ADAM19: variants seen among roughly 807,000 people sequenced by gnomAD.
The protein encoded by ADAM19 is ADAM metallopeptidase domain 19, also known as disintegrin and metalloproteinase domain-containing protein 19.
In ADAM19, 65 loss-of-function variants were observed where a neutral mutation model predicts 114.7. The observed-to-expected ratio is 0.57, with a 90% confidence interval of 0.46 to 0.70. The LOEUF is 0.70. ADAM19 is among the 30% of genes least tolerant of loss of function. The pLI, the probability that ADAM19 is intolerant of heterozygous loss-of-function variation, is 0.00. For synonymous variants in ADAM19, 466 were observed against 460.5 expected (o/e 1.01, Z -0.15); for missense variants, 1,063 against 1,204.7 (o/e 0.88, Z 1.74).
chr5:157,569,416 CTTTTTTT>C (rs1196722802), intron 2 of ADAM19, among the ~76,000 whole-genome samples: 18 of 97,866 alleles, frequency 1.8e-4, no homozygotes, highest in African/African-American at 6.5e-4. Context: ...AGCTAATTTT[CTTTTTTT>C]TTTTTTTTTT....
rs1292371467 is a variant in ADAM19, at chr5:157,571,132, T to G, written c.95-152A>C. 28 of 618,736 alleles carry G rather than the reference T, an allele frequency of 4.5e-5. No individual in the cohort carries two copies. The East Asian group carries it at 6.5e-4, about 14-fold the overall frequency. The allele number at this position is 618,736 out of a possible 1,614,324, so 38.3% of individuals were successfully genotyped here. A position where few individuals can be genotyped will look rare whatever the true frequency, so the allele number is the denominator to read the frequency against. On this transcript the variant is annotated intron_variant, in intron 1 of 22. Coordinates refer to ENST00000257527, the MANE Select transcript of ADAM19 (RefSeq NM_033274.5). ...GGCACTTCCTAGGAACTAGGCACTC[T>G]AGGTGTCGGTGATATTGTGGTAAAT...
chr5:157,541,913 T>C (rs1756927883), intron 3 of ADAM19, among the ~76,000 whole-genome samples: 1 of 152,302 alleles, frequency 6.6e-6, no homozygotes, highest in East Asian at 1.9e-4. Context: ...TGATAACAAT[T>C]TCCCATTTAC....
chr5:157,500,877 C>T (rs897229123), intron 12 of ADAM19, among the ~76,000 whole-genome samples: 1 of 152,206 alleles, frequency 6.6e-6, no homozygotes, highest in Non-Finnish European at 1.5e-5. Flanking sequence ...CGGGGCTCCA[C>T]AGATCTCTCC....
At chr5:157,539,941 T>C (rs1756872330) in intron 3 of ADAM19, among the ~76,000 whole-genome samples, 1 of 152,262 alleles carries the variant, frequency 6.6e-6, no homozygotes, top group Non-Finnish European at 1.5e-5. Context: ...GCTTAGAGCA[T>C]GGTCTGGAGA....
chr5:157,477,794 AAGGC>A lies in ADAM19; in HGVS notation c.*3151_*3154del. ...GGAGAGACTTCCAATAAAGATTGGA[AAGGC>A]GTATTGCAGGAGGTGGGGAGGGGCT... is the stretch of plus-strand genomic sequence containing the variant. On this transcript the variant is annotated 3_prime_UTR_variant, in exon 23 of 23. Transcript: ENST00000257527. 2 of 1,208,160 alleles carry A rather than the reference AAGGC, an allele frequency of 1.7e-6. No individual in the cohort carries two copies. The highest frequency in any genetic ancestry group is 2.2e-6 in the Non-Finnish European group (2 of 914,724). 74.8% of individuals were successfully genotyped at this position (1,208,160 alleles called of 1,614,324 possible).
rs374210389 is a variant in ADAM19, at chr5:157,548,199, A to G, written c.252-10208T>C. Among the ~76,000 whole-genome samples the G allele has an allele frequency of 2.4e-3, 363 of 152,190 alleles. 5 individuals carry two copies. Among genetic ancestry groups the G allele is most frequent in the African/African-American group, 8.3e-3 (343 of 41,520 alleles). ...ATCAGACTTCCCGTGCCCCCAATCC[A>G]GAGGAAGTTCCCCTTCCCCATGTTC... On this transcript the variant is annotated intron_variant, in intron 3 of 22. Transcript: ENST00000257527.
At chr5:157,486,506 T>C (rs943734824) in intron 21 of ADAM19, among the ~76,000 whole-genome samples, 7 of 152,112 alleles carry the variant, frequency 4.6e-5, no homozygotes, top group African/African-American at 1.4e-4. Flanking sequence ...GTGCAGGGTA[T>C]GCACAGCCTC....
chr5:157,530,061 C>A (rs1196645005), intron 5 of ADAM19, among the ~76,000 whole-genome samples: 1 of 152,174 alleles, frequency 6.6e-6, no homozygotes, highest in Non-Finnish European at 1.5e-5. Flanking sequence ...CATGTGTCTT[C>A]TTTTTTATCT....
chr5:157,572,574 T>C (rs1016219460), intron 1 of ADAM19, among the ~76,000 whole-genome samples: 11 of 152,224 alleles, frequency 7.2e-5, no homozygotes, highest in African/African-American at 2.2e-4. Context: ...AATACCGATA[T>C]AATGCACTTG....
chr5:157,523,788 C>G (rs1413778749), intron 5 of ADAM19, among the ~76,000 whole-genome samples: 2 of 152,210 alleles, frequency 1.3e-5, no homozygotes, highest in African/African-American at 4.8e-5. Context: ...CGCAGAGCTG[C>G]AGGCCTGAGT....
intron 3 of ADAM19, among the ~76,000 whole-genome samples, chr5:157,563,153 G>A (rs752666903): frequency 2.6e-5 from 4 of 151,982 alleles, no homozygotes; most frequent in Non-Finnish European, 4.4e-5. Flanking sequence ...GTCTAGGGAC[G>A]CAGCTGGCCA....
Position 157,543,475 on chromosome 5 carries a change from C to T in ADAM19, c.252-5484G>A, listed in dbSNP as rs184161939. On this transcript the variant is annotated intron_variant, in intron 3 of 22. Coordinates refer to ENST00000257527, the MANE Select transcript of ADAM19 (RefSeq NM_033274.5). ...AAAATGAGGAGAATGACAAAATCTA[C>T]TTCACAGTGCCCCTGTAAGATGTTA... is the stretch of plus-strand genomic sequence containing the variant. Among the ~76,000 whole-genome samples, 350 of 152,288 alleles carry T rather than the reference C, an allele frequency of 2.3e-3. 1 individual carries two copies. Among genetic ancestry groups the T allele is most frequent in the Admixed American group, 5.9e-3 (91 of 15,300 alleles).
At chr5:157,517,125 T>G (rs934124263) in intron 7 of ADAM19, among the ~76,000 whole-genome samples, 1 of 152,212 alleles carries the variant, frequency 6.6e-6, no homozygotes, top group Non-Finnish European at 1.5e-5. Flanking sequence ...GCCACCTCCT[T>G]CTGCTGCTAA....
chr5:157,505,874 C>A (rs1755727472), intron 10 of ADAM19, 66 bp from the exon 11 acceptor site: 2 of 1,545,092 alleles, frequency 1.3e-6, no homozygotes, highest in Admixed American at 1.9e-5. Flanking sequence ...CCCATCCCTG[C>A]CTTATCCTTA....
chr5:157,547,566 T>A (rs1470904056), intron 3 of ADAM19, among the ~76,000 whole-genome samples: 2 of 152,272 alleles, frequency 1.3e-5, no homozygotes, highest in African/African-American at 4.8e-5. Flanking sequence ...TACCTTGATG[T>A]TGGACTTGCC....
intron 3 of ADAM19, among the ~76,000 whole-genome samples, chr5:157,539,082 G>A (rs1280863276): frequency 1.3e-5 from 2 of 151,800 alleles, no homozygotes; most frequent in African/African-American, 4.8e-5. Context: ...GAACCTGGGG[G>A]GTGGAGGTTG....
At chr5:157,497,117 A>G in intron 13 of ADAM19, 28 bp from the exon 14 acceptor site, 1 of 1,477,308 alleles carries the variant, frequency 6.8e-7, no homozygotes, top group Non-Finnish European at 8.9e-7. Context: ...AGGAAAACAC[A>G]GTCAATCTCC....
At chr5:157,571,307 C>G (rs1757816737) in intron 1 of ADAM19, among the ~76,000 whole-genome samples, 1 of 152,138 alleles carries the variant, frequency 6.6e-6, no homozygotes, top group Non-Finnish European at 1.5e-5. Flanking sequence ...ACAGGATGAT[C>G]AGCATAGATG....
In ADAM19 at chr5:157,488,332, G is replaced by A. The variant is rs149265280; in HGVS notation, c.2483C>T (p.Thr828Met). The A allele has an allele frequency of 6.8e-5, 110 of 1,614,198 alleles. No homozygotes were observed. The East Asian group carries it at 1.3e-3, about 19-fold the overall frequency. ...SPGPGSQIER[T>M]ESSRRPPPSR... is the part of the protein sequence containing the mutation. ...TGGAGGAGGCCTCCTGGACGACTCC[G>A]TCCTCTCTATTTGAGACCCGGGCCC... The change falls in exon 21 of 23, where the codon ACG (threonine) becomes ATG (methionine). Residue 828 changes from threonine (T) to methionine (M), a missense_variant. Around this residue, in one of 3 missense-constraint regions of ADAM19, gnomAD observed 424 missense variants for 445.5 expected, o/e 0.95. Transcript: ENST00000257527.
Sources: allele counts gnomAD v4.1 joint callset (sites outside exome capture counted in the v4.1 genomes callset), GRCh38; gene constraint gnomAD v4.1.1; regional missense constraint gnomAD v4.1.1; transcripts MANE v1.5; gene names NCBI Gene and HGNC (gene_info 2026-07-23, HGNC 2026-07-21).